CACNA1C: variants seen among roughly 807,000 people sequenced by gnomAD.
The protein encoded by CACNA1C is voltage-dependent L-type calcium channel subunit alpha-1C.
A neutral mutation model predicts 229.0 loss-of-function variants in CACNA1C; 30 were observed. The observed-to-expected ratio is 0.13, with a 90% CI of 0.10 to 0.18. The LOEUF is 0.18. Among genes scored for constraint, CACNA1C ranks in the 10% least tolerant of loss-of-function variants. CACNA1C has a pLI of 1.00. For missense variants in CACNA1C, 1,658 were observed against 2,845.0 expected (o/e 0.58, Z 9.49); for synonymous variants, 1,114 against 1,132.5 (o/e 0.98, Z 0.33).
At chr12:2,006,847 G>A (rs543930221) in intron 1 of CACNA1C, among the ~76,000 whole-genome samples, 34 of 152,270 alleles carry the variant, frequency 2.2e-4, no homozygotes, top group Non-Finnish European at 3.8e-4. Context: ...TAGAATAAAT[G>A]TTTCAATACT....
chr12:2,518,867 C>T (rs1003027523), intron 9 of CACNA1C, among the ~76,000 whole-genome samples: 4 of 152,198 alleles, frequency 2.6e-5, no homozygotes, highest in African/African-American at 7.2e-5. Flanking sequence ...TGGGCCTTCA[C>T]GTTAACTCTT....
chr12:2,135,909 G>GCTGCCGCCTTGCAGTTTGATCTCAGA (rs2093392715), intron 3 of CACNA1C, among the ~76,000 whole-genome samples: 3 of 148,532 alleles, frequency 2.0e-5, no homozygotes, highest in Admixed American at 2.0e-4. Flanking sequence ...CCCCAGCCTC[G>GCTGCCGCCTTGCAGTTTGATCTCAGA]CTGCCGCCTT....
chr12:2,513,641 A>G (rs1484428825), intron 9 of CACNA1C, among the ~76,000 whole-genome samples: 1 of 152,212 alleles, frequency 6.6e-6, no homozygotes, highest in Non-Finnish European at 1.5e-5. Flanking sequence ...AAAGTGATGG[A>G]TGACATTGAC....
At chr12:2,043,665 T>C (rs1482003057) in intron 1 of CACNA1C, among the ~76,000 whole-genome samples, 1 of 136,528 alleles carries the variant, frequency 7.3e-6, no homozygotes, top group Non-Finnish European at 1.6e-5. Context: ...TTTTTTTTTT[T>C]TGAGACAGAG....
At chr12:2,368,598 T>G (rs369921224) in intron 3 of CACNA1C, among the ~76,000 whole-genome samples, 1 of 152,212 alleles carries the variant, frequency 6.6e-6, no homozygotes, top group African/African-American at 2.4e-5. Flanking sequence ...AAAATTAAAT[T>G]TAACTAAAAG....
intron 3 of CACNA1C, among the ~76,000 whole-genome samples, chr12:2,336,039 A>C: frequency 6.7e-6 from 1 of 150,076 alleles, no homozygotes; most frequent in Non-Finnish European, 1.5e-5. Context: ...AAAAAAAAAA[A>C]ACAAACCCTA....
At chr12:2,326,773 T>C (rs935974543) in intron 3 of CACNA1C, among the ~76,000 whole-genome samples, 1 of 152,232 alleles carries the variant, frequency 6.6e-6, no homozygotes, top group Non-Finnish European at 1.5e-5. Flanking sequence ...AGCGTGATAC[T>C]TGATCGATCT....
At chr12:2,012,833 A>G (rs147917184) in intron 1 of CACNA1C, among the ~76,000 whole-genome samples, 41 of 152,348 alleles carry the variant, frequency 2.7e-4, no homozygotes, top group African/African-American at 9.6e-4. Flanking sequence ...CCAGGACACA[A>G]TAAGAGCTTG....
At chr12:2,478,851 T>C (rs1254474860) in intron 5 of CACNA1C, among the ~76,000 whole-genome samples, 1 of 152,200 alleles carries the variant, frequency 6.6e-6, no homozygotes, top group Non-Finnish European at 1.5e-5. Context: ...AGGTTCTCCG[T>C]AGGTGCTTGG....
At chr12:2,610,916 A>G (rs1229100563) in intron 28 of CACNA1C, among the ~76,000 whole-genome samples, 4 of 152,150 alleles carry the variant, frequency 2.6e-5, no homozygotes, top group Non-Finnish European at 4.4e-5. Context: ...GAGAGAGGGG[A>G]GGAGATGGAG....
At chr12:2,350,481 T>C (rs2097173178) in intron 3 of CACNA1C, among the ~76,000 whole-genome samples, 1 of 152,226 alleles carries the variant, frequency 6.6e-6, no homozygotes, top group Non-Finnish European at 1.5e-5. Flanking sequence ...CCAGAATCTG[T>C]CTCTTTCATC....
chr12:2,490,921 T>G (rs2099723581), intron 6 of CACNA1C, among the ~76,000 whole-genome samples: 1 of 152,172 alleles, frequency 6.6e-6, no homozygotes, highest in East Asian at 1.9e-4. Context: ...CACACAACTT[T>G]AAGCACTGGC....
chr12:2,019,947 A>G (rs2046151134), intron 1 of CACNA1C: 1 of 152,170 alleles, frequency 6.6e-6, no homozygotes, highest in Non-Finnish European at 1.5e-5. Context: ...GAATATGGAG[A>G]GTGAGCTTTA....
At chr12:2,168,753 AG>A (rs1453546709) in intron 3 of CACNA1C, among the ~76,000 whole-genome samples, 9 of 152,180 alleles carry the variant, frequency 5.9e-5, no homozygotes, top group South Asian at 4.1e-4. Flanking sequence ...ACCCAATGCT[AG>A]GGATTCATTG....
In CACNA1C at chr12:2,597,146, G is replaced by C; in HGVS notation, c.2794-84G>C. 1 of 851,370 alleles carries C rather than the reference G, an allele frequency of 1.2e-6. No individual in the cohort carries two copies. The highest frequency in any genetic ancestry group is 2.4e-5 in the East Asian group (1 of 41,146). 52.7% of individuals were successfully genotyped at this position (851,370 alleles called of 1,614,324 possible). ...CATTTTGAAGTGTGGCCCCTTTTCTGGTGAACATCCACTGACCTCTCTTCC... is the reference window on the plus strand; with the variant it reads ...CATTTTGAAGTGTGGCCCCTTTTCTCGTGAACATCCACTGACCTCTCTTCC... On this transcript the variant is annotated intron_variant, in intron 20 of 46. Transcript: ENST00000399655. The surrounding 1 kb of genome is among the most constrained non-coding windows in gnomAD (Gnocchi z 4.3).
chr12:2,689,879 G>C lies in CACNA1C; in HGVS notation c.6118-1021G>C, dbSNP rs907240258. On this transcript the variant is annotated intron_variant, in intron 46 of 46. Transcript: ENST00000399655. This position sits in a 1 kb window ranked among gnomAD's most constrained non-coding sequence, Gnocchi z 4.2. ...CATACATATATAACACATCAGGAAGGTCAGGAGTGCCAAAGAAAAACTAAG... is the reference window on the plus strand; with the variant it reads ...CATACATATATAACACATCAGGAAGCTCAGGAGTGCCAAAGAAAAACTAAG... The C allele has an allele frequency of 3.3e-5, 5 of 152,266 alleles. No individual in the cohort carries two copies. The highest frequency in any genetic ancestry group is 1.2e-4 in the African/African-American group (5 of 41,416). The allele number at this position is 152,266 out of a possible 1,614,324, so 9.4% of individuals were successfully genotyped here. A position where few individuals can be genotyped will look rare whatever the true frequency, so the allele number is the denominator to read the frequency against.
At chr12:2,518,809 G>A (rs2099803707) in intron 9 of CACNA1C, among the ~76,000 whole-genome samples, 1 of 152,134 alleles carries the variant, frequency 6.6e-6, no homozygotes, top group African/African-American at 2.4e-5. Flanking sequence ...ATGCTGCCAG[G>A]CCATGAAGTG....
At chr12:2,436,399 C>A (rs2099135355) in intron 3 of CACNA1C, among the ~76,000 whole-genome samples, 1 of 152,202 alleles carries the variant, frequency 6.6e-6, no homozygotes, top group South Asian at 2.1e-4. Flanking sequence ...CCCGGCCTCT[C>A]TAAGAGCTGT....
intron 30 of CACNA1C, among the ~76,000 whole-genome samples, chr12:2,640,710 A>G (rs528328451): frequency 2.0e-5 from 3 of 152,096 alleles, no homozygotes; most frequent in South Asian, 2.1e-4. Context: ...CAGGCCCTGA[A>G]AGCCTTTCTA....
Sources: gnomAD v4.1 joint callset for allele counts (sites outside exome capture counted in the v4.1 genomes callset) on GRCh38, gnomAD v4.1.1 for gene constraint, Gnocchi (gnomAD v3.1) non-coding constraint, MANE v1.5 for transcripts, NCBI Gene and HGNC (gene_info 2026-07-23, HGNC 2026-07-21) for gene names.